LARGE1: variants seen among roughly 807,000 people sequenced by gnomAD.
The protein encoded by LARGE1 is xylosyl- and glucuronyltransferase LARGE1.
LARGE1 carries 43 observed loss-of-function variants against 87.6 expected under a neutral mutation model. The ratio of observed to expected loss-of-function variants is 0.49; its 90% CI spans 0.38 to 0.63. The LOEUF (loss-of-function observed/expected upper bound fraction) is 0.63, where lower values mean the gene tolerates loss of function less well. Ranked by LOEUF, LARGE1 falls within the 30% of genes least tolerant of loss-of-function variation. The pLI is 0.00. For synonymous variants in LARGE1, 434 were observed against 394.6 expected (o/e 1.10, Z -1.18); for missense variants, 802 against 1,000.2 (o/e 0.80, Z 2.67).
At chr22:33,166,155 C>T (rs561561060) in exon 12 of LARGE1, 1 of 152,244 alleles carries the variant, frequency 6.6e-6, no homozygotes, top group Non-Finnish European at 1.5e-5. Context: ...TCAAATATCC[C>T]CTTTCTGTTT....
chr22:33,781,056 T>C (rs1569443591), intron 1 of LARGE1, among the ~76,000 whole-genome samples: 1 of 152,370 alleles, frequency 6.6e-6, no homozygotes, highest in East Asian at 1.9e-4. Context: ...CATAACCTTG[T>C]TGTCTGGCTT....
chr22:33,566,301 TATA>T (rs2078023498), intron 5 of LARGE1, among the ~76,000 whole-genome samples: 1 of 152,228 alleles, frequency 6.6e-6, no homozygotes, highest in East Asian at 1.9e-4. Flanking sequence ...TGGATCAAGA[TATA>T]ATTTCTAAAA....
chr22:33,165,078 G>T (rs5998769), exon 12 of LARGE1: 1 of 152,052 alleles, frequency 6.6e-6, no homozygotes, highest in Non-Finnish European at 1.5e-5. Flanking sequence ...GGGACCAATC[G>T]TATCCCAAAC....
chr22:33,766,913 CATATATATATATATATATATATAT>C (rs34406131), intron 1 of LARGE1, among the ~76,000 whole-genome samples: 4,075 of 111,722 alleles, frequency 0.036, 149 homozygotes, highest in African/African-American at 0.085. Context: ...TAAACATATA[CATATATATATATATATATATATAT>C]ATATATATAT....
At chr22:33,088,069 A>C in the LARGE1 span, among the ~76,000 whole-genome samples, 2 of 134,024 alleles carry the variant, frequency 1.5e-5, no homozygotes, top group East Asian at 2.9e-4. Flanking sequence ...CACACACACA[A>C]ACACACACAC....
intron 2 of LARGE1, among the ~76,000 whole-genome samples, chr22:33,711,970 G>A (rs1420357878): frequency 2.6e-5 from 4 of 152,076 alleles, no homozygotes; most frequent in South Asian, 2.1e-4. Flanking sequence ...CTAGAAATAC[G>A]GGTTTTAAAC....
intron 5 of LARGE1, among the ~76,000 whole-genome samples, chr22:33,582,385 A>G (rs1280912105): frequency 2.0e-5 from 3 of 151,792 alleles, no homozygotes; most frequent in Non-Finnish European, 4.4e-5. Context: ...ATCTGGAAGT[A>G]GGAAAGACCT....
In LARGE1 at chr22:33,761,506, G is replaced by C; in HGVS notation, c.-30C>G. 1 of 1,560,554 alleles carries C rather than the reference G, an allele frequency of 6.4e-7. No individual in the cohort carries two copies. ...TCAGAAGTGGCAATCCCTAATCCCA[G>C]CGCCGTTTCTCTGTCCGGAGCATGA... On this transcript the variant is annotated 5_prime_UTR_variant, in exon 2 of 15. Coordinates refer to ENST00000397394, the MANE Select transcript of LARGE1 (RefSeq NM_133642.5).
intron 11 of LARGE1, among the ~76,000 whole-genome samples, chr22:33,189,318 T>C (rs1923655275): frequency 6.6e-6 from 1 of 152,166 alleles, no homozygotes; most frequent in Non-Finnish European, 1.5e-5. Context: ...GCTTGGCCAG[T>C]ACACAGTGAC....
intron 7 of LARGE1, among the ~76,000 whole-genome samples, chr22:33,431,640 C>T (rs984600180): frequency 5.3e-5 from 8 of 152,154 alleles, no homozygotes; most frequent in Admixed American, 2.0e-4. Flanking sequence ...TATGAAATTA[C>T]GTCACTTCTA....
At chr22:33,613,624 C>G (rs1422682289) in intron 4 of LARGE1, among the ~76,000 whole-genome samples, 1 of 152,126 alleles carries the variant, frequency 6.6e-6, no homozygotes, top group Non-Finnish European at 1.5e-5. Context: ...TCCTGAGTAG[C>G]TGGGATTACA....
At chr22:33,417,091 G>C (rs959081783) in intron 7 of LARGE1, among the ~76,000 whole-genome samples, 7 of 152,006 alleles carry the variant, frequency 4.6e-5, no homozygotes, top group Middle Eastern at 3.4e-3. Context: ...ATTTTTACTA[G>C]AGATGGGGTT....
chr22:33,291,969 C>G (rs1426175605), intron 12 of LARGE1, among the ~76,000 whole-genome samples: 1 of 152,126 alleles, frequency 6.6e-6, no homozygotes, highest in African/African-American at 2.4e-5. Context: ...TGGCACACAC[C>G]TATAATCTCA....
At chr22:33,651,418 G>GATA (rs2080815662) in intron 2 of LARGE1, among the ~76,000 whole-genome samples, 1 of 135,094 alleles carries the variant, frequency 7.4e-6, no homozygotes, top group Admixed American at 7.2e-5. Flanking sequence ...AAAGAAAAAA[G>GATA]ATAATAATAA....
At chr22:33,090,061 C>A in the LARGE1 span, among the ~76,000 whole-genome samples, 1 of 151,872 alleles carries the variant, frequency 6.6e-6, no homozygotes, top group African/African-American at 2.4e-5. Context: ...CAAAAATTGG[C>A]CAGATGTGGT....
chr22:33,285,908 G>A (rs997082423), intron 12 of LARGE1, among the ~76,000 whole-genome samples: 7 of 152,170 alleles, frequency 4.6e-5, no homozygotes, highest in Admixed American at 1.3e-4. Context: ...AAAACCATCC[G>A]TGGTTAATGG....
intron 1 of LARGE1, among the ~76,000 whole-genome samples, chr22:33,904,169 C>A (rs1047582025): frequency 6.6e-6 from 1 of 152,046 alleles, no homozygotes. Flanking sequence ...GTTCTTCCAA[C>A]CAGATTACAA....
the LARGE1 span, among the ~76,000 whole-genome samples, chr22:33,101,370 A>G: frequency 4.6e-5 from 7 of 152,220 alleles, no homozygotes; most frequent in East Asian, 1.3e-3. Context: ...TCATAATCAA[A>G]ACAGGGAAAA....
intron 1 of LARGE1, among the ~76,000 whole-genome samples, chr22:33,822,689 C>G (rs1450916295): frequency 6.6e-6 from 1 of 152,070 alleles, no homozygotes; most frequent in Non-Finnish European, 1.5e-5. Context: ...CAGAATAAGG[C>G]TCCATCTCAA....
Sources: allele counts gnomAD v4.1 joint callset (sites outside exome capture counted in the v4.1 genomes callset), GRCh38; gene constraint gnomAD v4.1.1; transcripts MANE v1.5; gene names NCBI Gene and HGNC (gene_info 2026-07-23, HGNC 2026-07-21).